The following SHROOM4 variants were observed in gnomAD, a reference collection of about 807,000 sequenced individuals.
SHROOM4 encodes protein Shroom4.
Under a neutral mutation model 80.3 loss-of-function variants are expected in SHROOM4, and 17 were observed. The observed-to-expected ratio is 0.21, with a 90% CI of 0.14 to 0.32. The LOEUF (loss-of-function observed/expected upper bound fraction) is 0.32. SHROOM4 is among the 10% of genes least tolerant of loss of function. The probability of loss-of-function intolerance (pLI) is 1.00; values close to 1 mark genes in which losing one functional copy is unlikely to be tolerated. For synonymous variants in SHROOM4, 400 were observed against 437.5 expected (o/e 0.91, Z 1.07); for missense variants, 993 against 1,140.3 (o/e 0.87, Z 1.86).
rs143151534 is a variant in SHROOM4, at chrX:50,607,728, T to TTCCTCC, written c.3408_3413dup (p.Glu1150_Glu1151dup). 1.3e-4 allele frequency: 144 copies of TTCCTCC among 1,116,530 alleles called. No individual in the cohort carries two copies. Among genetic ancestry groups the TTCCTCC allele is most frequent in the Middle Eastern group, 7.7e-4 (3 of 3,913 alleles). The allele number at this position is 1,116,530 out of a possible 1,213,427, so 92.0% of individuals were successfully genotyped here. A position where few individuals can be genotyped will look rare whatever the true frequency, so the allele number is the denominator to read the frequency against. On this transcript the variant is annotated inframe_insertion, in exon 6 of 9. Coordinates refer to ENST00000376020, the MANE Select transcript of SHROOM4 (RefSeq NM_020717.5). ...CTTCCTCTTCCTCTTCTTCTTCTTCTTCCTCCTCCTCCTCCTCCTCCTGTT... is the reference window on the plus strand; with the variant it reads ...CTTCCTCTTCCTCTTCTTCTTCTTCTTCCTCCTCCTCCTCCTCCTCCTCCTCCTGTT...
intron 2 of SHROOM4, among the ~76,000 whole-genome samples, chrX:50,672,600 G>A (rs782217399): frequency 2.7e-4 from 30 of 111,275 alleles, no homozygotes; most frequent in African/African-American, 8.8e-4. Flanking sequence ...GAGAAGCAGA[G>A]CAAGACTAAA....
chrX:50,621,821 A>G (rs1001273653), intron 5 of SHROOM4, among the ~76,000 whole-genome samples: 13 of 111,513 alleles, frequency 1.2e-4, no homozygotes, highest in African/African-American at 4.2e-4. Context: ...CTTTCACTCA[A>G]TCAGTAAATA....
At chrX:50,776,977 C>T (rs1284469847) in intron 1 of SHROOM4, among the ~76,000 whole-genome samples, 3 of 111,485 alleles carry the variant, frequency 2.7e-5, no homozygotes, top group Non-Finnish European at 3.8e-5. Context: ...TGTGAGCCAC[C>T]GCACCGGCCT....
rs1459117304 is a variant in SHROOM4 at position 50,592,071 on chromosome X, C to T, written c.*4624G>A. On this transcript the variant is annotated 3_prime_UTR_variant, in exon 9 of 9. Transcript: ENST00000376020. ...TTGTTCATTTGATCTTGTGTTTTAA[C>T]CTTGTATCCTGCAACTTTCCTAAAT... 3.1e-6 allele frequency: 1 copy of T among 327,842 alleles called. No homozygotes were observed. Among genetic ancestry groups the T allele is most frequent in the Non-Finnish European group, 5.9e-6 (1 of 169,824 alleles). 27.0% of individuals were successfully genotyped at this position (327,842 alleles called of 1,213,427 possible).
intron 5 of SHROOM4, among the ~76,000 whole-genome samples, chrX:50,625,985 G>A (rs998894885): frequency 1.8e-5 from 2 of 111,917 alleles, no homozygotes; most frequent in African/African-American, 3.3e-5. Context: ...TGCTCTAAAT[G>A]CTTTACATAT....
chrX:50,688,861 T>C (rs1933150519), intron 2 of SHROOM4, among the ~76,000 whole-genome samples: 1 of 110,639 alleles, frequency 9.0e-6, no homozygotes, highest in Admixed American at 9.6e-5. Context: ...TTCTTGATAG[T>C]TATATTTTTC....
At chrX:50,585,130 A>T (rs781802579), downstream of SHROOM4, among the ~76,000 whole-genome samples, 8 of 111,694 alleles carry the variant, frequency 7.2e-5, no homozygotes, top group Admixed American at 1.9e-4. Context: ...TGTTACTACC[A>T]TGTATTTCTG....
intron 4 of SHROOM4, among the ~76,000 whole-genome samples, chrX:50,629,808 G>A (rs782215708): frequency 1.8e-5 from 2 of 111,698 alleles, no homozygotes; most frequent in Non-Finnish European, 3.8e-5. Flanking sequence ...CACCAACCTC[G>A]TCCAGGGGCA....
chrX:50,651,012 T>G (rs1343372232), intron 2 of SHROOM4, among the ~76,000 whole-genome samples: 2 of 111,165 alleles, frequency 1.8e-5, no homozygotes, highest in Non-Finnish European at 3.8e-5. Flanking sequence ...AGGAGCAAGT[T>G]TGAGAGGAGG....
At chrX:50,727,042 G>A (rs1417031115) in intron 1 of SHROOM4, among the ~76,000 whole-genome samples, 12 of 113,215 alleles carry the variant, frequency 1.1e-4, no homozygotes, top group African/African-American at 1.6e-4. Context: ...CAAGGCCTTC[G>A]GAGCCCCTCC....
Position 50,814,091 on chromosome X carries a change from G to GC in SHROOM4, c.-74dup. On this transcript the variant is annotated 5_prime_UTR_variant, in exon 1 of 9. An upstream open reading frame in the 5' UTR loses its in-frame stop. Coordinates refer to ENST00000376020, the MANE Select transcript of SHROOM4 (RefSeq NM_020717.5). Reference sequence around the variant, plus strand: ...CGTTGCCTCCGCCCCCAGCAGCTCCGCCACCATCGCCCTCCAGCTCTACGC... The same window carrying GC: ...CGTTGCCTCCGCCCCCAGCAGCTCCGCCCACCATCGCCCTCCAGCTCTACGC... 3 of 693,151 alleles carry GC rather than the reference G, an allele frequency of 4.3e-6. No homozygotes were observed. The highest frequency in any genetic ancestry group is 6.9e-6 in the Non-Finnish European group (3 of 436,612). The allele number at this position is 693,151 out of a possible 1,213,427, so 57.1% of individuals were successfully genotyped here.
At chrX:50,692,716 C>T (rs1449885049) in intron 2 of SHROOM4, among the ~76,000 whole-genome samples, 3 of 111,481 alleles carry the variant, frequency 2.7e-5, no homozygotes, top group African/African-American at 9.8e-5. Flanking sequence ...CATTACTTAA[C>T]ATGTCACCTC....
In SHROOM4 at chrX:50,599,008, T is replaced by TTGTGTGTGTG. The variant is rs57494031; in HGVS notation, c.3943-483_3943-474dup. Among the ~76,000 whole-genome samples the TTGTGTGTGTG allele has an allele frequency of 2.1e-3, 207 of 98,816 alleles. No homozygotes were observed. The East Asian group carries it at 0.022, about 10-fold the overall frequency. The allele number at this position is 98,816 out of a possible 115,157, so 85.8% of individuals were successfully genotyped here. On this transcript the variant is annotated intron_variant, in intron 7 of 8. Transcript: ENST00000376020. Reference sequence around the variant, plus strand: ...TGCCAGGCTAATTTTGTGTGTGTGTTTGTGTGTGTGTGTGTGTGTGTGTGT... The same window carrying TTGTGTGTGTG: ...TGCCAGGCTAATTTTGTGTGTGTGTTTGTGTGTGTGTGTGTGTGTGTGTGTGTGTGTGTGT...
In SHROOM4 at chrX:50,590,209, T is replaced by C. The variant is rs1928842255; in HGVS notation, c.*6486A>G. Among the ~76,000 whole-genome samples the C allele has an allele frequency of 9.0e-6, 1 of 111,243 alleles. No individual in the cohort carries two copies. The highest frequency in any genetic ancestry group is 1.9e-5 in the Non-Finnish European group (1 of 53,042). On this transcript the variant is annotated 3_prime_UTR_variant, in exon 9 of 9. Coordinates refer to ENST00000376020, the MANE Select transcript of SHROOM4 (RefSeq NM_020717.5). ...AAGTCACAAGAGTAGGCATTCATAA[T>C]GAAATTATAATGCCCTTATAAGAAG...
intron 1 of SHROOM4, among the ~76,000 whole-genome samples, chrX:50,793,561 T>G (rs190779446): frequency 1.6e-4 from 17 of 104,871 alleles, no homozygotes; most frequent in African/African-American, 5.2e-4. Context: ...TATCATTGCT[T>G]TTTAGTCAAA....
At chrX:50,775,535 G>A (rs1213645763) in intron 1 of SHROOM4, among the ~76,000 whole-genome samples, 5 of 111,473 alleles carry the variant, frequency 4.5e-5, no homozygotes, top group Admixed American at 3.8e-4. Flanking sequence ...GTTTGGCTTC[G>A]ATATGGAAAG....
At chrX:50,652,699 T>G (rs1932148594) in intron 2 of SHROOM4, among the ~76,000 whole-genome samples, 1 of 112,270 alleles carries the variant, frequency 8.9e-6, no homozygotes, top group African/African-American at 3.2e-5. Context: ...GTTTTTATGG[T>G]TTTAGGTCTA....
chrX:50,618,143 A>T (rs782498817), intron 5 of SHROOM4, among the ~76,000 whole-genome samples: 12 of 111,469 alleles, frequency 1.1e-4, no homozygotes, highest in Admixed American at 1.0e-3. Context: ...CAAGGGGATC[A>T]GGCCTCCTAA....
intron 1 of SHROOM4, among the ~76,000 whole-genome samples, chrX:50,776,096 A>C (rs782608479): frequency 9.0e-6 from 1 of 110,980 alleles, no homozygotes; most frequent in African/African-American, 3.3e-5. Context: ...CTTCCAATTC[A>C]ATGGCTGCTA....
Sources: allele counts gnomAD v4.1 joint callset (sites outside exome capture counted in the v4.1 genomes callset), GRCh38; gene constraint gnomAD v4.1.1; transcripts MANE v1.5; gene names NCBI Gene and HGNC (gene_info 2026-07-23, HGNC 2026-07-21).